The following SLIT1 variants were observed in gnomAD, a reference collection of about 807,000 sequenced individuals.
SLIT1 encodes the protein slit guidance ligand 1, also known as slit homolog 1 protein.
A neutral mutation model predicts 186.1 loss-of-function variants in SLIT1; 66 were observed. The observed-to-expected ratio is 0.35, with a 90% CI of 0.29 to 0.44. The LOEUF (loss-of-function observed/expected upper bound fraction) is 0.44. SLIT1 is among the 20% of genes least tolerant of loss of function. The pLI is 1.00. For synonymous variants in SLIT1, 761 were observed against 833.8 expected (o/e 0.91, Z 1.50); for missense variants, 1,638 against 2,037.4 (o/e 0.80, Z 3.77).
At chr10:97,093,024 A>C (rs1372269865) in intron 4 of SLIT1, among the ~76,000 whole-genome samples, 2 of 152,264 alleles carry the variant, frequency 1.3e-5, no homozygotes, top group African/African-American at 2.4e-5. Context: ...AACCTGGACC[A>C]GGTCTGCCTT....
intron 4 of SLIT1, among the ~76,000 whole-genome samples, chr10:97,139,415 G>C (rs1849736111): frequency 1.3e-5 from 2 of 152,328 alleles, no homozygotes; most frequent in Middle Eastern, 3.4e-3. Context: ...ACTGTGGAGA[G>C]GAGAGCTGGT....
chr10:97,028,328 C>T (rs562389915), intron 25 of SLIT1, among the ~76,000 whole-genome samples: 28 of 152,290 alleles, frequency 1.8e-4, no homozygotes, highest in African/African-American at 6.5e-4. Flanking sequence ...CAGGAGTTTC[C>T]TGAAACTCAG....
At chr10:97,120,556 G>A (rs1353191176) in intron 4 of SLIT1, among the ~76,000 whole-genome samples, 1 of 152,196 alleles carries the variant, frequency 6.6e-6, no homozygotes, top group East Asian at 1.9e-4. Flanking sequence ...GCTTCACACC[G>A]TGTGCACGGG....
At chr10:97,098,430 G>C (rs1198713282) in intron 4 of SLIT1, among the ~76,000 whole-genome samples, 1 of 152,216 alleles carries the variant, frequency 6.6e-6, no homozygotes, top group East Asian at 1.9e-4. Flanking sequence ...CTTGGCTGGA[G>C]GGACCTGGGA....
intron 25 of SLIT1, among the ~76,000 whole-genome samples, chr10:97,029,318 G>A (rs960212324): frequency 2.0e-5 from 3 of 152,218 alleles, no homozygotes; most frequent in South Asian, 2.1e-4. Context: ...AAAATCTAGC[G>A]AGACTGATGA....
At chr10:97,112,051 C>T (rs557623368) in intron 4 of SLIT1, among the ~76,000 whole-genome samples, 2 of 152,336 alleles carry the variant, frequency 1.3e-5, no homozygotes, top group South Asian at 4.1e-4. Context: ...GACAGCTCGG[C>T]TCCATTTGCG....
chr10:97,128,427 A>C, intron 4 of SLIT1, among the ~76,000 whole-genome samples: 1 of 151,238 alleles, frequency 6.6e-6, no homozygotes, highest in Admixed American at 6.6e-5. Flanking sequence ...CCCAAATCCC[A>C]CTCCTCTTCA....
At chr10:97,141,938 T>C (rs960921624) in intron 4 of SLIT1, among the ~76,000 whole-genome samples, 1 of 152,204 alleles carries the variant, frequency 6.6e-6, no homozygotes, top group African/African-American at 2.4e-5. Flanking sequence ...TAGTTGGGAC[T>C]ACAGGTGTGT....
intron 4 of SLIT1, among the ~76,000 whole-genome samples, chr10:97,138,489 G>A (rs2134700637): frequency 6.6e-6 from 1 of 152,350 alleles, no homozygotes; most frequent in East Asian, 1.9e-4. Flanking sequence ...CGGGATGACT[G>A]AAGTCTCATG....
rs564601094 is a variant in SLIT1, at chr10:97,074,825, TC to T, written c.414-8740del. 3.4e-3 allele frequency among the ~76,000 whole-genome samples: 510 copies of T among 152,184 alleles called. 3 individuals are homozygous for T. Among genetic ancestry groups the T allele is most frequent in the African/African-American group, 0.012 (497 of 41,524 alleles). The stretch of plus-strand genomic sequence containing the variant: ...CCCCTCCTTCTGCACACTCTGCCAA[TC>T]CCCCCATCCTCTCCCAGGGCTGGAG... On this transcript the variant is annotated intron_variant, in intron 4 of 36. Transcript: ENST00000266058.
At chr10:97,048,875 G>A in intron 14 of SLIT1, 80 bp downstream of exon 14, 7 of 1,454,788 alleles carry the variant, frequency 4.8e-6, no homozygotes, top group South Asian at 1.2e-5. Context: ...GGGCAGGTAT[G>A]CAGGTGGACA....
At chr10:97,033,698 C>T (rs562553621) in intron 23 of SLIT1, among the ~76,000 whole-genome samples, 14 of 152,080 alleles carry the variant, frequency 9.2e-5, no homozygotes, top group African/African-American at 3.1e-4. Context: ...AAGTGAAAAT[C>T]GACAAAATTA....
intron 28 of SLIT1, among the ~76,000 whole-genome samples, chr10:97,016,179 C>T (rs1298849924): frequency 6.6e-6 from 1 of 151,910 alleles, no homozygotes; most frequent in Non-Finnish European, 1.5e-5. Context: ...TGTGGTGGTG[C>T]ATGCCTGTAG....
intron 1 of SLIT1, among the ~76,000 whole-genome samples, chr10:97,170,196 A>T (rs539910415): frequency 1.3e-5 from 2 of 152,364 alleles, no homozygotes; most frequent in Non-Finnish European, 2.9e-5. Flanking sequence ...ATCCGGCTTC[A>T]AATTCCTGCT....
chr10:97,087,078 A>C lies in SLIT1; in HGVS notation c.414-20992T>G, dbSNP rs561491790. Reference sequence around the variant, plus strand: ...CTGTGAACCTAAAACTGCTCTAAAAAATAAGGTCTATTAAAACAATTAAAA... The same window carrying C: ...CTGTGAACCTAAAACTGCTCTAAAACATAAGGTCTATTAAAACAATTAAAA... On this transcript the variant is annotated intron_variant, in intron 4 of 36. Coordinates refer to ENST00000266058, the MANE Select transcript of SLIT1 (RefSeq NM_003061.3). 1.9e-4 allele frequency among the ~76,000 whole-genome samples: 28 copies of C among 147,052 alleles called. 1 individual carries two copies. In the East Asian group the frequency reaches 5.1e-3, roughly 27 times the overall value.
chr10:97,147,043 G>C (rs1383735539), intron 4 of SLIT1, among the ~76,000 whole-genome samples: 1 of 152,136 alleles, frequency 6.6e-6, no homozygotes, highest in African/African-American at 2.4e-5. Flanking sequence ...ATCAACAGCT[G>C]AATGGATCAA....
At chr10:97,123,938 G>A (rs1392442229) in intron 4 of SLIT1, among the ~76,000 whole-genome samples, 2 of 152,068 alleles carry the variant, frequency 1.3e-5, no homozygotes, top group African/African-American at 2.4e-5. Context: ...CAGCCATCAC[G>A]TGGAGTAGGA....
At chr10:97,078,776 T>C (rs957900728) in intron 4 of SLIT1, among the ~76,000 whole-genome samples, 1 of 152,224 alleles carries the variant, frequency 6.6e-6, no homozygotes, top group Non-Finnish European at 1.5e-5. Flanking sequence ...CCTCTGCATG[T>C]GAACACCAGG....
intron 25 of SLIT1, among the ~76,000 whole-genome samples, chr10:97,027,534 A>G (rs1007810003): frequency 2.0e-5 from 3 of 152,244 alleles, no homozygotes; most frequent in African/African-American, 7.2e-5. Context: ...TAGAGAAATT[A>G]AGCTTAGGTG....
Sources: allele counts gnomAD v4.1 joint callset (sites outside exome capture counted in the v4.1 genomes callset), GRCh38; gene constraint gnomAD v4.1.1; transcripts MANE v1.5; gene names NCBI Gene and HGNC (gene_info 2026-07-23, HGNC 2026-07-21).